AXIN2: variants seen among roughly 807,000 people sequenced by gnomAD.
The protein encoded by AXIN2 is axin-2.
Under a neutral mutation model 74.7 loss-of-function variants are expected in AXIN2, and 21 were observed. The ratio of observed to expected loss-of-function variants is 0.28; its 90% CI spans 0.20 to 0.40. AXIN2 has a LOEUF of 0.40. Among genes scored for constraint, AXIN2 ranks in the 10% least tolerant of loss-of-function variants. The pLI is 1.00. For missense variants in AXIN2, 1,144 were observed against 1,111.1 expected (o/e 1.03, Z -0.42); for synonymous variants, 532 against 454.9 (o/e 1.17, Z -2.16).
chr17:65,530,079 T>A lies in AXIN2; in HGVS notation c.2429A>T (p.Asp810Val). 6.2e-7 allele frequency: 1 copy of A among 1,614,134 alleles called. No homozygotes were observed. The highest frequency in any genetic ancestry group is 8.5e-7 in the Non-Finnish European group (1 of 1,180,034). ...NYRYYFKKAS[D>V]EFACGAVFEE... ...AAACACCGCTCCACAGGCAAACTCATCGCTTGCTTTTTTGAAGTAATACCT... is the reference window on the plus strand; with the variant it reads ...AAACACCGCTCCACAGGCAAACTCAACGCTTGCTTTTTTGAAGTAATACCT... The change falls in exon 11 of 11, where the codon GAT becomes GTT. Residue 810 changes from aspartate (D) to valine (V), a missense_variant. By Grantham distance (152) the Asp-to-Val change is radical. Transcript: ENST00000307078.
At position 65,530,024 on chromosome 17, in the gene AXIN2, G is replaced by A. The variant is rs372266221; in HGVS notation, c.2484C>T (p.Leu828=). 13 of 1,614,048 alleles carry A rather than the reference G, an allele frequency of 8.1e-6. No homozygotes were observed. The African/African-American group carries it at 1.7e-4, about 22-fold the overall frequency. Reference sequence around the variant, plus strand: ...CCAGAATCCGGCCTTCATACATCGGGAGCACCGTCTCATCCTCCCAGATCT... The same window carrying A: ...CCAGAATCCGGCCTTCATACATCGGAAGCACCGTCTCATCCTCCCAGATCT... ...FEEIWEDETV[L]PMYEGRILGK... The change falls in exon 11 of 11, where the codon CTC becomes CTT. Residue 828 remains leucine (L), a synonymous_variant. Transcript: ENST00000307078.
chr17:65,534,570 G>A (rs937969976), intron 9 of AXIN2, among the ~76,000 whole-genome samples: 1 of 152,116 alleles, frequency 6.6e-6, no homozygotes, highest in African/African-American at 2.4e-5. Flanking sequence ...AACAACTAAT[G>A]GGGGTTATCA....
intron 3 of AXIN2, 76 bp from the exon 4 acceptor site, chr17:65,541,633 G>A (rs2144501604): frequency 2.4e-6 from 3 of 1,227,228 alleles, no homozygotes; most frequent in East Asian, 2.3e-5. Flanking sequence ...ACTGTCATAT[G>A]CCATCTTGAG....
At chr17:65,556,718 G>C (rs1046457414) in intron 2 of AXIN2, among the ~76,000 whole-genome samples, 1 of 152,038 alleles carries the variant, frequency 6.6e-6, no homozygotes, top group Non-Finnish European at 1.5e-5. Flanking sequence ...CTCTCTTCCT[G>C]CTGCTGGGCA....
chr17:65,542,972 C>G (rs1414402100), intron 3 of AXIN2, among the ~76,000 whole-genome samples: 1 of 152,176 alleles, frequency 6.6e-6, no homozygotes, highest in Non-Finnish European at 1.5e-5. Flanking sequence ...CTGAAATGCC[C>G]TAGAATTCTA....
In AXIN2 at chr17:65,558,643, A is replaced by G; in HGVS notation, c.-23T>C. ...CATGGTGAGGGAGCTCTTCCCACTG[A>G]GTCTGGGAATTTTTCTTCTTCCAGT... On this transcript the variant is annotated 5_prime_UTR_variant, in exon 2 of 11. Transcript: ENST00000307078. 1.3e-6 allele frequency: 2 copies of G among 1,598,446 alleles called. No homozygotes were observed. Among genetic ancestry groups the G allele is most frequent in the Non-Finnish European group, 1.7e-6 (2 of 1,178,412 alleles).
chr17:65,529,130 C>A lies in AXIN2; in HGVS notation c.*846G>T, dbSNP rs75257056. On this transcript the variant is annotated 3_prime_UTR_variant, in exon 11 of 11. Coordinates refer to ENST00000307078, the MANE Select transcript of AXIN2 (RefSeq NM_004655.4). The stretch of plus-strand genomic sequence containing the variant: ...AACTGTCATTTCCACGAAAGCACAG[C>A]GGCAGTGATTCTAGCAGGCCTCAGG... 1 of 234,830 alleles carries A rather than the reference C, an allele frequency of 4.3e-6. No individual in the cohort carries two copies. The highest frequency in any genetic ancestry group is 2.2e-5 in the African/African-American group (1 of 45,420). The allele number at this position is 234,830 out of a possible 1,614,324, so 14.5% of individuals were successfully genotyped here.
intron 2 of AXIN2, among the ~76,000 whole-genome samples, chr17:65,553,855 G>GA (rs1296638283): frequency 6.7e-6 from 1 of 148,390 alleles, no homozygotes; most frequent in Non-Finnish European, 1.5e-5. Flanking sequence ...GGCGGGGGGG[G>GA]GGGGAGGAAA....
chr17:65,551,857 G>T (rs748161014), intron 2 of AXIN2, among the ~76,000 whole-genome samples: 20 of 152,290 alleles, frequency 1.3e-4, no homozygotes, highest in Non-Finnish European at 2.4e-4. Flanking sequence ...GATCCTGTCC[G>T]ACTGCATCAA....
intron 3 of AXIN2, 73 bp from the exon 4 acceptor site, chr17:65,541,630 T>C (rs1567759514): frequency 1.2e-5 from 15 of 1,274,284 alleles, no homozygotes; most frequent in Non-Finnish European, 1.4e-5. Flanking sequence ...GCTACTGTCA[T>C]ATGCCATCTT....
intron 7 of AXIN2, 52 bp from the exon 8 acceptor site, chr17:65,536,605 A>G: frequency 4.4e-6 from 7 of 1,593,782 alleles, no homozygotes; most frequent in Non-Finnish European, 6.0e-6. Context: ...CTGGGTTAGA[A>G]GAACTGGAAA....
At position 65,558,251 on chromosome 17, in the gene AXIN2, C is replaced by T. The variant is rs755990979; in HGVS notation, c.370G>A (p.Asp124Asn). Residue 124 changes from aspartate to asparagine, a missense_variant, in exon 2 of 11, where the codon GAT (aspartate) becomes AAT (asparagine). Around this residue, in one of 4 missense-constraint regions of AXIN2, gnomAD observed 1,053 missense variants for 973.5 expected, o/e 1.08. Coordinates refer to ENST00000307078, the MANE Select transcript of AXIN2 (RefSeq NM_004655.4). The part of the protein sequence containing the change: ...CNGFRQMNLK[D>N]TKTLRVAKAI... ...TTGGCTACTCGTAAAGTTTTGGTAT[C>T]CTTCAGGTTCATCTGCCTGAATCCA... 34 of 1,614,110 alleles carry T rather than the reference C, an allele frequency of 2.1e-5. No homozygotes were observed. The highest frequency in any genetic ancestry group is 2.8e-5 in the Non-Finnish European group (33 of 1,180,028).
intron 3 of AXIN2, 149 bp downstream of exon 3, chr17:65,549,371 T>G: frequency 1.0e-6 from 1 of 960,346 alleles, no homozygotes; most frequent in East Asian, 2.6e-5. Flanking sequence ...CACCATACCC[T>G]TGTCATACTC....
At chr17:65,553,437 A>G (rs2044221704) in intron 2 of AXIN2, among the ~76,000 whole-genome samples, 1 of 152,152 alleles carries the variant, frequency 6.6e-6, no homozygotes, top group East Asian at 1.9e-4. Flanking sequence ...CCATGTCTCC[A>G]CTGTAAGAGC....
intron 9 of AXIN2, 116 bp from the exon 10 acceptor site, chr17:65,534,195 C>T: frequency 1.5e-6 from 2 of 1,310,384 alleles, no homozygotes; most frequent in Non-Finnish European, 2.2e-6. Context: ...ACTAGGGCTG[C>T]AATTGTAAAC....
At position 65,529,100 on chromosome 17, in the gene AXIN2, C is replaced by G; in HGVS notation, c.*876G>C. On this transcript the variant is annotated 3_prime_UTR_variant, in exon 11 of 11. Coordinates refer to ENST00000307078, the MANE Select transcript of AXIN2 (RefSeq NM_004655.4). ...AAAACAAAAACAGAAACAAAAAAAA[C>G]AAGGAACTGTCATTTCCACGAAAGC... 4.3e-6 allele frequency: 1 copy of G among 234,556 alleles called. No individual in the cohort carries two copies. The highest frequency in any genetic ancestry group is 6.0e-5 in the East Asian group (1 of 16,668). 14.5% of individuals were successfully genotyped at this position (234,556 alleles called of 1,614,324 possible). A position where few individuals can be genotyped will look rare whatever the true frequency, so the allele number is the denominator to read the frequency against.
chr17:65,541,989 C>CTT (rs1464282206), intron 3 of AXIN2, among the ~76,000 whole-genome samples: 2 of 152,144 alleles, frequency 1.3e-5, no homozygotes, highest in Admixed American at 1.3e-4. Context: ...TGGATAGGGC[C>CTT]AGGGCAGAAA....
intron 2 of AXIN2, among the ~76,000 whole-genome samples, chr17:65,552,196 A>G (rs2044203289): frequency 6.6e-6 from 1 of 152,252 alleles, no homozygotes; most frequent in African/African-American, 2.4e-5. Flanking sequence ...AGGTTGATTC[A>G]GTGAAAAAGG....
intron 2 of AXIN2, among the ~76,000 whole-genome samples, chr17:65,555,915 A>G (rs1469515560): frequency 2.0e-5 from 3 of 151,608 alleles, no homozygotes. Context: ...TCTCAACCCA[A>G]CAGTGGGAGA....
Sources: gnomAD v4.1 joint callset for allele counts (sites outside exome capture counted in the v4.1 genomes callset) on GRCh38, gnomAD v4.1.1 for gene constraint, gnomAD v4.1.1 regional missense constraint, MANE v1.5 for transcripts, NCBI Gene and HGNC (gene_info 2026-07-23, HGNC 2026-07-21) for gene names.